Variants in MSR1 observed in about 807,000 individuals in gnomAD.
MSR1 encodes macrophage scavenger receptor types I and II.
MSR1 carries 53 observed loss-of-function variants against 47.2 expected under a neutral mutation model. The ratio of observed to expected loss-of-function variants is 1.12; its 90% confidence interval spans 0.90 to 1.41. The LOEUF (loss-of-function observed/expected upper bound fraction) is 1.41. Ranked by LOEUF, MSR1 falls within the 40% of genes most tolerant of loss-of-function variation. The pLI, the probability that MSR1 is intolerant of heterozygous loss-of-function variation, is 0.00. For missense variants in MSR1, 786 were observed against 546.9 expected (o/e 1.44, Z -4.36); for synonymous variants, 239 against 185.6 (o/e 1.29, Z -2.34).
chr8:16,163,235 C>T (rs1384565015), intron 5 of MSR1, among the ~76,000 whole-genome samples: 1 of 151,852 alleles, frequency 6.6e-6, no homozygotes, highest in African/African-American at 2.4e-5. Flanking sequence ...ATAAAATAAA[C>T]TGGAAAAAAC....
chr8:16,116,802 G>A (rs192369598), intron 9 of MSR1, among the ~76,000 whole-genome samples: 1 of 152,214 alleles, frequency 6.6e-6, no homozygotes, highest in East Asian at 1.9e-4. Flanking sequence ...TCTCACCTAT[G>A]TTTGTAACTC....
At chr8:16,159,329 A>C (rs2117156349) in intron 5 of MSR1, among the ~76,000 whole-genome samples, 1 of 152,006 alleles carries the variant, frequency 6.6e-6, no homozygotes, top group Non-Finnish European at 1.5e-5. Flanking sequence ...CTTTCTCTAG[A>C]GTTCATCTTT....
intron 1 of MSR1, among the ~76,000 whole-genome samples, chr8:16,187,775 T>G (rs979157008): frequency 2.0e-5 from 3 of 152,162 alleles, no homozygotes; most frequent in Non-Finnish European, 4.4e-5. Context: ...TGTTACATAT[T>G]GGAAAATAAA....
Position 16,155,060 on chromosome 8 carries a change from A to T in MSR1, c.898+4T>A, listed in dbSNP as rs770196850. 1 of 1,607,594 alleles carries T rather than the reference A, an allele frequency of 6.2e-7. No homozygotes were observed. The highest frequency in any genetic ancestry group is 1.1e-5 in the South Asian group (1 of 90,934). On this transcript the variant is annotated splice_donor_region_variant and intron_variant, in intron 6 of 9. Transcript: ENST00000262101. ...ATATGATTAAATAGCTAAAATTACC[A>T]TACCTATTGGACCTGGAAATCCTCG... is the stretch of plus-strand genomic sequence containing the variant.
chr8:16,179,994 G>C (rs774207513), intron 1 of MSR1, among the ~76,000 whole-genome samples: 4 of 150,886 alleles, frequency 2.7e-5, no homozygotes, highest in Non-Finnish European at 5.9e-5. Flanking sequence ...TCAGCTCACT[G>C]CTACCATGTT....
At chr8:16,189,250 TATA>T (rs1016442400) in intron 1 of MSR1, among the ~76,000 whole-genome samples, 1 of 109,154 alleles carries the variant, frequency 9.2e-6, no homozygotes, top group Non-Finnish European at 1.7e-5. Flanking sequence ...TATATTTAGA[TATA>T]ATCTTATTTT....
Position 16,154,399 on chromosome 8 carries a change from C to G in MSR1, c.898+665G>C, listed in dbSNP as rs191302373. ...GCAAAGAAAGTTCATGTTCTCTCTT[C>G]TGTGTCTTCTTTCAAAATATTTCTT... On this transcript the variant is annotated intron_variant, in intron 6 of 9. Coordinates refer to ENST00000262101, the MANE Select transcript of MSR1 (RefSeq NM_138715.3). Among the ~76,000 whole-genome samples, 44 of 151,984 alleles carry G rather than the reference C, an allele frequency of 2.9e-4. 1 individual carries two copies. Among genetic ancestry groups the G allele is most frequent in the Middle Eastern group, 6.8e-3 (2 of 294 alleles).
chr8:16,112,600 C>A (rs1347069694), intron 9 of MSR1, among the ~76,000 whole-genome samples: 1 of 152,004 alleles, frequency 6.6e-6, no homozygotes, highest in Non-Finnish European at 1.5e-5. Context: ...AAAGTTAATG[C>A]AGATAGTATA....
intron 8 of MSR1, among the ~76,000 whole-genome samples, chr8:16,138,711 G>C (rs911158810): frequency 6.6e-6 from 1 of 152,064 alleles, no homozygotes; most frequent in African/African-American, 2.4e-5. Context: ...TGGGACAGGA[G>C]GTCTCACAAA....
intron 1 of MSR1, among the ~76,000 whole-genome samples, chr8:16,192,065 G>T (rs748123558): frequency 1.3e-5 from 2 of 151,836 alleles, no homozygotes; most frequent in South Asian, 2.1e-4. Flanking sequence ...TAAGATTCCG[G>T]AGCACAAAAA....
chr8:16,179,370 C>T (rs1270334067), intron 1 of MSR1, among the ~76,000 whole-genome samples: 1 of 152,034 alleles, frequency 6.6e-6, no homozygotes, highest in Non-Finnish European at 1.5e-5. Context: ...TGTTTAAATC[C>T]ATTAGAGAAC....
rs1800621813 is a variant in MSR1, at chr8:16,143,631, T to C, written c.980-20A>G. 1 of 1,604,874 alleles carries C rather than the reference T, an allele frequency of 6.2e-7. No individual in the cohort carries two copies. The highest frequency in any genetic ancestry group is 8.5e-7 in the Non-Finnish European group (1 of 1,173,620). On this transcript the variant is annotated intron_variant, in intron 7 of 9. Coordinates refer to ENST00000262101, the MANE Select transcript of MSR1 (RefSeq NM_138715.3). Reference sequence around the variant, plus strand: ...AATTTCCTTGAGAAAAGAAGAAAAATATTTGTTTTTAATCAGGGCAATTCA... The same window carrying C: ...AATTTCCTTGAGAAAAGAAGAAAAACATTTGTTTTTAATCAGGGCAATTCA...
At chr8:16,115,939 G>T (rs1417254537) in intron 9 of MSR1, among the ~76,000 whole-genome samples, 2 of 151,948 alleles carry the variant, frequency 1.3e-5, no homozygotes, top group Non-Finnish European at 2.9e-5. Flanking sequence ...ATTAACCTGT[G>T]ATTGTACCAT....
At chr8:16,188,433 A>G (rs1161211415) in intron 1 of MSR1, among the ~76,000 whole-genome samples, 1 of 152,112 alleles carries the variant, frequency 6.6e-6, no homozygotes, top group South Asian at 2.1e-4. Flanking sequence ...ATCATTTGGT[A>G]TTACGCGTTT....
chr8:16,189,413 A>AT (rs1400011037), intron 1 of MSR1, among the ~76,000 whole-genome samples: 1 of 97,966 alleles, frequency 1.0e-5, no homozygotes, highest in African/African-American at 6.0e-5. Context: ...TTTTATATAT[A>AT]TTTTATATAT....
intron 2 of MSR1, among the ~76,000 whole-genome samples, chr8:16,177,600 G>A (rs1026006547): frequency 1.3e-5 from 2 of 151,902 alleles, no homozygotes; most frequent in African/African-American, 4.8e-5. Flanking sequence ...CATGATTTTC[G>A]AATATTAGCT....
chr8:16,164,561 CCAT>C lies in MSR1; in HGVS notation c.631-313_631-311del, dbSNP rs541939974. ...TTCTAACAATAAAATTAAATAAACA[CCAT>C]AAGGTCTTAATTTATCTGAAGTAAA... On this transcript the variant is annotated intron_variant, in intron 4 of 9. Transcript: ENST00000262101. 1.1e-4 allele frequency among the ~76,000 whole-genome samples: 16 copies of C among 151,918 alleles called. 1 individual carries two copies. In the Middle Eastern group the frequency reaches 0.017, roughly 161 times the overall value.
In MSR1 at chr8:16,110,080, A is replaced by T. The variant is rs775895521; in HGVS notation, c.*5T>A. On this transcript the variant is annotated 3_prime_UTR_variant, in exon 10 of 10. Transcript: ENST00000262101. ...TTTCATAGTTGTGAATGAAAATATG[A>T]TGCATTATAAAGTGCAAGTGACTCC... 2.5e-6 allele frequency: 4 copies of T among 1,613,420 alleles called. No homozygotes were observed. The East Asian group carries it at 8.9e-5, about 36-fold the overall frequency.
At chr8:16,110,342 G>T in intron 9 of MSR1, 124 bp from the exon 10 acceptor site, 1 of 1,082,016 alleles carries the variant, frequency 9.2e-7, no homozygotes, top group African/African-American at 1.5e-5. Flanking sequence ...CTGTATGCAA[G>T]TTCTGTGCTC....
Sources: allele counts gnomAD v4.1 joint callset (sites outside exome capture counted in the v4.1 genomes callset), GRCh38; gene constraint gnomAD v4.1.1; transcripts MANE v1.5; gene names NCBI Gene and HGNC (gene_info 2026-07-23, HGNC 2026-07-21).